The following SMC6 variants were observed in gnomAD, a reference collection of about 807,000 sequenced individuals.
SMC6 encodes structural maintenance of chromosomes protein 6.
Under a neutral mutation model 142.2 loss-of-function variants are expected in SMC6, and 79 were observed. The observed-to-expected ratio is 0.56, with a 90% CI of 0.46 to 0.67. The LOEUF (loss-of-function observed/expected upper bound fraction) is 0.67. Among genes scored for constraint, SMC6 ranks in the 30% least tolerant of loss-of-function variants. SMC6 has a pLI of 0.00. For synonymous variants in SMC6, 411 were observed against 412.4 expected, an observed-to-expected ratio of 1.00 and a Z score of 0.04; for missense variants, 1,072 against 1,284.0, an observed-to-expected ratio of 0.83 and a Z score of 2.52.
rs1217867918 is a variant in SMC6, at chr2:17,731,866, A to G, written c.356T>C (p.Ile119Thr). ...FVKDGQNSADISITLRNRGDD... is the reference protein window; with the variant it reads ...FVKDGQNSADTSITLRNRGDD... ...TCCTCTGTTCCTCAATGTTATTGAG[A>G]TATCTGCAGAGCTGAAAGAATGAGG... The change falls in exon 6 of 28, where the codon ATC becomes ACC. Residue 119 changes from isoleucine (I) to threonine (T), a missense_variant. Transcript: ENST00000448223. 12 of 1,613,174 alleles carry G rather than the reference A, an allele frequency of 7.4e-6. No homozygotes were observed. The highest frequency in any genetic ancestry group is 1.0e-5 in the Non-Finnish European group (12 of 1,179,576).
chr2:17,691,420 T>C (rs1205185617), intron 23 of SMC6, among the ~76,000 whole-genome samples: 2 of 146,660 alleles, frequency 1.4e-5, no homozygotes, highest in Non-Finnish European at 1.5e-5. Flanking sequence ...TGATTACATA[T>C]CTTGGCTATT....
At chr2:17,723,206 C>G (rs1489946085) in intron 9 of SMC6, among the ~76,000 whole-genome samples, 4 of 152,124 alleles carry the variant, frequency 2.6e-5, no homozygotes, top group Non-Finnish European at 5.9e-5. Flanking sequence ...CTTACTACTA[C>G]CAATATCCTT....
chr2:17,689,625 A>G (rs1667611621), intron 23 of SMC6, among the ~76,000 whole-genome samples: 1 of 152,220 alleles, frequency 6.6e-6, no homozygotes, highest in Non-Finnish European at 1.5e-5. Flanking sequence ...ATGATTTTTG[A>G]TAGAGCTGTC....
At chr2:17,688,829 T>C (rs1667575105) in intron 23 of SMC6, among the ~76,000 whole-genome samples, 1 of 152,146 alleles carries the variant, frequency 6.6e-6, no homozygotes, top group Non-Finnish European at 1.5e-5. Context: ...GGCAAGTAAA[T>C]AAATTAACAA....
chr2:17,705,320 T>C (rs967919361), intron 18 of SMC6, among the ~76,000 whole-genome samples: 22 of 151,188 alleles, frequency 1.5e-4, no homozygotes, highest in Non-Finnish European at 3.2e-4. Context: ...CTTACCCCTG[T>C]AATCTCAGCA....
chr2:17,753,400 A>G (rs943991548), intron 1 of SMC6, among the ~76,000 whole-genome samples: 1 of 62,848 alleles, frequency 1.6e-5, no homozygotes, highest in African/African-American at 9.3e-5. Flanking sequence ...CCCGCGGCTC[A>G]GGAGACCGGT....
Position 17,707,216 on chromosome 2 carries a change from A to G in SMC6, c.2006+3T>C. On this transcript the variant is annotated splice_donor_region_variant and intron_variant, in intron 18 of 27. Transcript: ENST00000448223. ...ATACAGTAAAGCTAAACTTGACTCT[A>G]ACCTTATTTCAGAATCCACATCTCT... 2.5e-6 allele frequency: 4 copies of G among 1,569,022 alleles called. No individual in the cohort carries two copies. Among genetic ancestry groups the G allele is most frequent in the Non-Finnish European group, 2.6e-6 (3 of 1,160,536 alleles).
intron 15 of SMC6, among the ~76,000 whole-genome samples, chr2:17,715,609 C>T (rs139031093): frequency 2.0e-3 from 302 of 152,084 alleles, no homozygotes; most frequent in African/African-American, 6.9e-3. Flanking sequence ...CCCAAGAACA[C>T]GTGACTAAAA....
At chr2:17,675,972 C>G (rs886999282) in intron 25 of SMC6, among the ~76,000 whole-genome samples, 1 of 152,076 alleles carries the variant, frequency 6.6e-6, no homozygotes, top group African/African-American at 2.4e-5. Context: ...TCTATCCTAT[C>G]GGGACTCCAA....
At chr2:17,690,410 T>A (rs868691333) in intron 23 of SMC6, among the ~76,000 whole-genome samples, 16 of 152,210 alleles carry the variant, frequency 1.1e-4, no homozygotes, top group African/African-American at 3.6e-4. Context: ...CTGGTCAACA[T>A]GGCGAAACTC....
chr2:17,700,499 A>G (rs1668216567), intron 20 of SMC6, 121 bp from the exon 21 acceptor site: 2 of 653,478 alleles, frequency 3.1e-6, no homozygotes, highest in Admixed American at 3.7e-5. Flanking sequence ...CAGATCAAAT[A>G]CAAATAGAAC....
intron 2 of SMC6, among the ~76,000 whole-genome samples, chr2:17,749,468 T>A (rs2125093701): frequency 6.6e-6 from 1 of 152,314 alleles, no homozygotes; most frequent in Non-Finnish European, 1.5e-5. Flanking sequence ...GGCAGGCGGA[T>A]CACGAGGTCA....
intron 3 of SMC6, among the ~76,000 whole-genome samples, chr2:17,745,584 A>G (rs1339573796): frequency 6.6e-6 from 1 of 151,726 alleles, no homozygotes; most frequent in African/African-American, 2.4e-5. Context: ...CTCTTTTTGC[A>G]TTTCTTGGTC....
At chr2:17,674,122 T>C (rs574182536) in intron 25 of SMC6, among the ~76,000 whole-genome samples, 1 of 152,286 alleles carries the variant, frequency 6.6e-6, no homozygotes, top group South Asian at 2.1e-4. Context: ...GCTTTTTTCC[T>C]TTTAGCATCC....
intron 7 of SMC6, among the ~76,000 whole-genome samples, chr2:17,730,504 T>C (rs753165004): frequency 7.9e-5 from 12 of 151,892 alleles, no homozygotes; most frequent in Non-Finnish European, 1.3e-4. Context: ...TTAAGATAAA[T>C]TTTAGCCTAG....
intron 9 of SMC6, among the ~76,000 whole-genome samples, chr2:17,721,699 C>CTTT (rs370093937): frequency 1.4e-5 from 2 of 142,564 alleles, no homozygotes; most frequent in Non-Finnish European, 3.1e-5. Context: ...ACTAAGTTCA[C>CTTT]TTTTTTTTTT....
Position 17,665,547 on chromosome 2 carries a change from T to C in SMC6, c.3228A>G (p.Thr1076=). The C allele has an allele frequency of 1.2e-6, 2 of 1,611,872 alleles. No homozygotes were observed. Among genetic ancestry groups the C allele is most frequent in the Middle Eastern group, 1.7e-4 (1 of 6,046 alleles). The change falls in exon 28 of 28, where the codon ACA becomes ACG. Residue 1076 remains threonine (T), a synonymous_variant. Transcript: ENST00000448223. ...CTTGAGTCACAGGTCTGAAAGGCAA[T>C]GTAGTTTGTCCTCTTTCAGGATCAG... ...RMSDPERGQT[T]LPFRPVTQEE...
In SMC6 at chr2:17,665,396, T is replaced by C. The variant is rs558386329; in HGVS notation, c.*103A>G. The C allele has an allele frequency of 1.7e-5, 10 of 575,758 alleles. No homozygotes were observed. The Admixed American group carries it at 1.9e-4, about 11-fold the overall frequency. The allele number at this position is 575,758 out of a possible 1,614,324, so 35.7% of individuals were successfully genotyped here. A position where few individuals can be genotyped will look rare whatever the true frequency, so the allele number is the denominator to read the frequency against. ...TGGATATATAAAGGAGTTTCTTTCATTTCAGAATGCCTCCAGTCTCATTTT... is the reference window on the plus strand; with the variant it reads ...TGGATATATAAAGGAGTTTCTTTCACTTCAGAATGCCTCCAGTCTCATTTT... On this transcript the variant is annotated 3_prime_UTR_variant, in exon 28 of 28. Coordinates refer to ENST00000448223, the MANE Select transcript of SMC6 (RefSeq NM_001142286.2).
At chr2:17,708,857 T>C in intron 16 of SMC6, 104 bp from the exon 17 acceptor site, 1 of 321,926 alleles carries the variant, frequency 3.1e-6, no homozygotes, top group Non-Finnish European at 5.4e-6. Context: ...TATTTCCATA[T>C]ATATTTGTAA....
Sources: gnomAD v4.1 joint callset for allele counts (sites outside exome capture counted in the v4.1 genomes callset) on GRCh38, gnomAD v4.1.1 for gene constraint, MANE v1.5 for transcripts, NCBI Gene and HGNC (gene_info 2026-07-23, HGNC 2026-07-21) for gene names.